The following ARHGAP10 variants were observed in gnomAD, a reference collection of about 807,000 sequenced individuals.
The protein encoded by ARHGAP10 is rho GTPase-activating protein 10.
A neutral mutation model predicts 108.6 loss-of-function variants in ARHGAP10; 87 were observed. That is an observed-to-expected ratio of 0.80 (90% CI 0.67 to 0.96). ARHGAP10 has a LOEUF of 0.96. Ranked by LOEUF, ARHGAP10 falls within the 40% of genes least tolerant of loss-of-function variation. ARHGAP10 has a pLI of 0.00. For missense variants in ARHGAP10, 939 were observed against 954.5 expected (o/e 0.98, Z 0.21); for synonymous variants, 347 against 341.1 (o/e 1.02, Z -0.19).
chr4:148,017,145 T>C (rs941178738), intron 18 of ARHGAP10, among the ~76,000 whole-genome samples: 3 of 152,068 alleles, frequency 2.0e-5, no homozygotes, highest in Non-Finnish European at 4.4e-5. Flanking sequence ...AAGGGTCTGA[T>C]CTAATGCTAA....
chr4:147,825,584 G>A (rs920893640), intron 3 of ARHGAP10, among the ~76,000 whole-genome samples: 1 of 152,158 alleles, frequency 6.6e-6, no homozygotes, highest in Admixed American at 6.5e-5. Context: ...GGTCCCATGA[G>A]GTTTTTCTGG....
At chr4:148,043,503 G>A (rs1345729330) in intron 19 of ARHGAP10, among the ~76,000 whole-genome samples, 1 of 149,910 alleles carries the variant, frequency 6.7e-6, no homozygotes, top group Non-Finnish European at 1.5e-5. Flanking sequence ...TCCCAGCCAG[G>A]GGTGGTGGCT....
chr4:147,825,139 C>T (rs999154334), intron 3 of ARHGAP10, among the ~76,000 whole-genome samples: 1 of 151,364 alleles, frequency 6.6e-6, no homozygotes, highest in African/African-American at 2.4e-5. Flanking sequence ...CGGGAGGACA[C>T]TGATTTGGAT....
At chr4:147,802,393 A>G (rs1731617612) in intron 1 of ARHGAP10, among the ~76,000 whole-genome samples, 1 of 152,216 alleles carries the variant, frequency 6.6e-6, no homozygotes, top group Non-Finnish European at 1.5e-5. Context: ...TGTTTTCTCT[A>G]AAGCATAATA....
chr4:147,864,059 A>G (rs1271342349), intron 5 of ARHGAP10: 3 of 152,104 alleles, frequency 2.0e-5, no homozygotes, highest in Non-Finnish European at 4.4e-5. Flanking sequence ...TGCCCAGATA[A>G]ATATTTTTAA....
intron 1 of ARHGAP10, among the ~76,000 whole-genome samples, chr4:147,746,841 C>G (rs935184147): frequency 3.3e-5 from 5 of 152,122 alleles, no homozygotes; most frequent in Non-Finnish European, 7.3e-5. Flanking sequence ...AGGAAACTGT[C>G]AACTGATGGA....
At chr4:147,901,449 TATC>T (rs1331900806) in intron 10 of ARHGAP10, among the ~76,000 whole-genome samples, 1 of 152,236 alleles carries the variant, frequency 6.6e-6, no homozygotes, top group East Asian at 1.9e-4. Flanking sequence ...TGTTTTGAGT[TATC>T]ATTACATTAT....
intron 13 of ARHGAP10, among the ~76,000 whole-genome samples, chr4:147,924,656 T>TA (rs1316523023): frequency 6.6e-6 from 1 of 152,190 alleles, no homozygotes; most frequent in East Asian, 1.9e-4. Context: ...TCTGTGACAT[T>TA]TTATGGTACA....
chr4:147,885,186 C>A (rs1735495224), intron 10 of ARHGAP10, among the ~76,000 whole-genome samples: 1 of 152,014 alleles, frequency 6.6e-6, no homozygotes, highest in Non-Finnish European at 1.5e-5. Flanking sequence ...TAGTTTGGGT[C>A]ATTGTATTAG....
chr4:147,790,896 C>T (rs1322545843), intron 1 of ARHGAP10, among the ~76,000 whole-genome samples: 3 of 152,014 alleles, frequency 2.0e-5, no homozygotes, highest in Non-Finnish European at 4.4e-5. Flanking sequence ...ATAAGTAAAT[C>T]TCTGTGAGAG....
intron 16 of ARHGAP10, among the ~76,000 whole-genome samples, chr4:147,960,246 T>C (rs1353407637): frequency 1.3e-5 from 2 of 152,224 alleles, no homozygotes. Context: ...GTTTTTTTAA[T>C]GATATAATAT....
rs192579172 is a variant in ARHGAP10, at chr4:147,898,686, G to C, written c.1035-7952G>C. ...CACTTTTCCCACCTGATTTCCATTT[G>C]TGTGTGTTTGGATCATTTCTGTCCA... On this transcript the variant is annotated intron_variant, in intron 10 of 22. Coordinates refer to ENST00000336498, the MANE Select transcript of ARHGAP10 (RefSeq NM_024605.4). 2.7e-3 allele frequency among the ~76,000 whole-genome samples: 414 copies of C among 152,146 alleles called. 5 individuals carry two copies. Among genetic ancestry groups the C allele is most frequent in the Non-Finnish European group, 6.3e-4 (43 of 67,990 alleles).
chr4:148,014,922 T>C (rs192820451), intron 18 of ARHGAP10, among the ~76,000 whole-genome samples: 4 of 152,376 alleles, frequency 2.6e-5, no homozygotes, highest in Admixed American at 2.6e-4. Flanking sequence ...AAGTACTTTT[T>C]TCTTCTTTTA....
At chr4:147,902,727 C>T (rs182849937) in intron 10 of ARHGAP10, among the ~76,000 whole-genome samples, 53 of 151,930 alleles carry the variant, frequency 3.5e-4, no homozygotes, top group African/African-American at 1.1e-3. Context: ...GGAGACAGAG[C>T]GAAACTCCAT....
At chr4:148,016,171 A>C (rs942626136) in intron 18 of ARHGAP10, among the ~76,000 whole-genome samples, 16 of 152,232 alleles carry the variant, frequency 1.1e-4, no homozygotes, top group African/African-American at 3.1e-4. Context: ...TATCATAATA[A>C]AGACCAGTGA....
At chr4:147,789,124 A>G (rs534949901) in intron 1 of ARHGAP10, among the ~76,000 whole-genome samples, 2 of 152,304 alleles carry the variant, frequency 1.3e-5, no homozygotes, top group Non-Finnish European at 2.9e-5. Flanking sequence ...GCACTGGGGA[A>G]GGAGGCTATT....
chr4:147,924,151 G>A (rs915237170), intron 13 of ARHGAP10, among the ~76,000 whole-genome samples: 1 of 152,204 alleles, frequency 6.6e-6, no homozygotes, highest in East Asian at 1.9e-4. Flanking sequence ...TTCACAATTA[G>A]TAATCTTATT....
At chr4:147,971,615 A>G (rs1739409229) in intron 18 of ARHGAP10, among the ~76,000 whole-genome samples, 1 of 152,202 alleles carries the variant, frequency 6.6e-6, no homozygotes, top group African/African-American at 2.4e-5. Flanking sequence ...ATGTAATCAG[A>G]GAAACACAGA....
intron 18 of ARHGAP10, among the ~76,000 whole-genome samples, chr4:147,997,134 CT>C (rs1261477394): frequency 1.3e-5 from 2 of 152,194 alleles, no homozygotes; most frequent in African/African-American, 4.8e-5. Flanking sequence ...GTTGTCACCC[CT>C]GGTGTAGTGG....
Sources: allele counts gnomAD v4.1 joint callset (sites outside exome capture counted in the v4.1 genomes callset), GRCh38; gene constraint gnomAD v4.1.1; transcripts MANE v1.5; gene names NCBI Gene and HGNC (gene_info 2026-07-23, HGNC 2026-07-21).